The following ADAMTSL3 variants were observed in gnomAD, a reference collection of about 807,000 sequenced individuals.
ADAMTSL3 encodes the protein ADAMTS like 3.
In ADAMTSL3, 128 loss-of-function variants were observed where a neutral mutation model predicts 201.7. The ratio of observed to expected loss-of-function variants is 0.63; its 90% CI spans 0.55 to 0.73. The LOEUF is 0.73. ADAMTSL3 is among the 30% of genes least tolerant of loss of function. The probability of loss-of-function intolerance (pLI) is 0.00; values close to 1 mark genes in which losing one functional copy is unlikely to be tolerated. For synonymous variants in ADAMTSL3, 738 were observed against 748.4 expected (o/e 0.99, Z 0.23); for missense variants, 1,990 against 2,119.6 (o/e 0.94, Z 1.20).
intron 3 of ADAMTSL3, among the ~76,000 whole-genome samples, chr15:83,745,084 G>A (rs770356088): frequency 2.0e-5 from 3 of 152,198 alleles, no homozygotes; most frequent in Non-Finnish European, 4.4e-5. Flanking sequence ...AGCTGGCAGA[G>A]AGCAGAGAAG....
intron 7 of ADAMTSL3, 74 bp downstream of exon 7, chr15:83,838,289 T>TCAGAAAATGTTA: frequency 6.6e-7 from 1 of 1,511,418 alleles, no homozygotes; most frequent in Non-Finnish European, 8.9e-7. Flanking sequence ...AGAATAACAT[T>TCAGAAAATGTTA]TTCTGAATGT....
intron 8 of ADAMTSL3, among the ~76,000 whole-genome samples, chr15:83,869,713 C>T (rs1377457329): frequency 1.3e-5 from 2 of 152,170 alleles, no homozygotes; most frequent in Non-Finnish European, 2.9e-5. Context: ...CCATTTTTGA[C>T]ACTCAACGGA....
intron 3 of ADAMTSL3, among the ~76,000 whole-genome samples, chr15:83,763,051 T>A (rs1195622696): frequency 6.6e-6 from 1 of 152,176 alleles, no homozygotes; most frequent in Non-Finnish European, 1.5e-5. Context: ...TACACTTGAC[T>A]AATTTTTGTA....
At chr15:83,726,130 T>G (rs917697152) in intron 3 of ADAMTSL3, among the ~76,000 whole-genome samples, 7 of 152,122 alleles carry the variant, frequency 4.6e-5, no homozygotes, top group East Asian at 1.9e-4. Flanking sequence ...TTAAGTTTAT[T>G]TCTAGGTATT....
chr15:83,875,746 G>A (rs964762639), intron 9 of ADAMTSL3, among the ~76,000 whole-genome samples: 3 of 152,046 alleles, frequency 2.0e-5, no homozygotes, highest in South Asian at 2.1e-4. Context: ...TTGCACAGCC[G>A]CACTCTGGCC....
rs746619180 is a variant in ADAMTSL3, at chr15:83,913,239, C to T, written c.1848C>T (p.Thr616=). The change falls in exon 16 of 30, where the codon ACC becomes ACT. Residue 616 remains threonine, a synonymous_variant. Coordinates refer to ENST00000286744, the MANE Select transcript of ADAMTSL3 (RefSeq NM_207517.3). ...EEECEGPKLP[T]ERPCLLEACD... is the part of the protein sequence containing the mutation. The stretch of plus-strand genomic sequence containing the variant: ...AGTGTGAAGGCCCCAAGCTGCCCAC[C>T]GAACGGCCCTGCCTCCTGGAAGCAT... The T allele has an allele frequency of 1.5e-5, 25 of 1,613,974 alleles. No homozygotes were observed. The highest frequency in any genetic ancestry group is 2.2e-5 in the East Asian group (1 of 44,888).
chr15:84,033,511 T>G (rs1175016608), intron 28 of ADAMTSL3, among the ~76,000 whole-genome samples: 1 of 151,996 alleles, frequency 6.6e-6, no homozygotes, highest in Non-Finnish European at 1.5e-5. Flanking sequence ...AATACAAAAT[T>G]AGCTGGGCAT....
At chr15:83,837,078 A>G (rs779131408) in intron 6 of ADAMTSL3, among the ~76,000 whole-genome samples, 19 of 152,200 alleles carry the variant, frequency 1.2e-4, no homozygotes, top group Non-Finnish European at 2.1e-4. Flanking sequence ...ACACACACAT[A>G]TGTACACATG....
At chr15:83,717,488 T>G (rs942520909) in intron 3 of ADAMTSL3, 3 of 152,166 alleles carry the variant, frequency 2.0e-5, no homozygotes, top group Non-Finnish European at 4.4e-5. Flanking sequence ...GCATGGCCTC[T>G]GTACAAGGAT....
At chr15:84,014,394 T>C (rs1287225997) in intron 23 of ADAMTSL3, 148 bp from the exon 24 acceptor site, 8 of 723,600 alleles carry the variant, frequency 1.1e-5, no homozygotes, top group Non-Finnish European at 1.6e-5. Flanking sequence ...AGAGTAGCTA[T>C]AGAAATAGAA....
At chr15:83,904,620 A>G (rs531150045) in intron 15 of ADAMTSL3, among the ~76,000 whole-genome samples, 9 of 152,344 alleles carry the variant, frequency 5.9e-5, no homozygotes, top group Admixed American at 1.3e-4. Context: ...AATCTAAGCC[A>G]AGGGAACTGC....
chr15:83,655,894 T>C, intron 2 of ADAMTSL3, 64 bp downstream of exon 2: 1 of 1,493,084 alleles, frequency 6.7e-7, no homozygotes, highest in Non-Finnish European at 9.2e-7. Context: ...AGAGGCATTA[T>C]TGTATACCAC....
rs376774419 is a variant in ADAMTSL3, at chr15:83,819,827, C to T, written c.380C>T (p.Ala127Val). ...TCSNHDCPPD[A>V]EDFRAQQCSA... ...TGCCCCCAGGACTGCCCTCCAGATG[C>T]AGAAGATTTCAGAGCCCAGCAGTGC... is the stretch of plus-strand genomic sequence containing the variant. The change falls in exon 6 of 30, where the codon GCA becomes GTA. Residue 127 changes from alanine (A) to valine (V), a missense_variant. Ala to Val is a moderately conservative substitution (Grantham distance 64). Transcript: ENST00000286744. 14 of 1,613,724 alleles carry T rather than the reference C, an allele frequency of 8.7e-6. No individual in the cohort carries two copies. The highest frequency in any genetic ancestry group is 1.3e-5 in the African/African-American group (1 of 74,878).
chr15:83,987,178 C>T (rs2067495627), intron 21 of ADAMTSL3, among the ~76,000 whole-genome samples: 1 of 152,302 alleles, frequency 6.6e-6, no homozygotes, highest in Middle Eastern at 3.4e-3. Flanking sequence ...ATTTCTCCTC[C>T]ATCAGGATTT....
At chr15:83,806,315 G>A (rs1031337347) in intron 5 of ADAMTSL3, among the ~76,000 whole-genome samples, 1 of 152,118 alleles carries the variant, frequency 6.6e-6, no homozygotes, top group East Asian at 1.9e-4. Context: ...TCTGGCAAAG[G>A]TGCACCACTA....
At chr15:83,978,761 T>C (rs2067333335) in intron 20 of ADAMTSL3, among the ~76,000 whole-genome samples, 1 of 152,184 alleles carries the variant, frequency 6.6e-6, no homozygotes, top group Non-Finnish European at 1.5e-5. Context: ...AAATGCCCCA[T>C]ACCCCAGTGT....
rs1328042968 is a variant in ADAMTSL3 at position 83,983,119 on chromosome 15, C to G, written c.3491C>G (p.Ala1164Gly). 6.2e-6 allele frequency: 10 copies of G among 1,613,074 alleles called. No homozygotes were observed. The highest frequency in any genetic ancestry group is 8.5e-6 in the Non-Finnish European group (10 of 1,179,720). The change falls in exon 21 of 30, where the codon GCA becomes GGA. Residue 1164 changes from alanine (A) to glycine (G), a missense_variant. By Grantham distance (60) the Ala-to-Gly change is moderately conservative. Transcript: ENST00000286744. Reference sequence around the variant, plus strand: ...GGGAGTGTGTCCCAAAGCTCGCATGCAAAAAACTCAGGCAAGCTGACATTC... The same window carrying G: ...GGGAGTGTGTCCCAAAGCTCGCATGGAAAAAACTCAGGCAAGCTGACATTC... Reference protein sequence around the residue: ...ETGSVSQSSHAKNSGKLTFKP... With the variant: ...ETGSVSQSSHGKNSGKLTFKP...
chr15:83,962,582 C>G (rs1337377566), intron 19 of ADAMTSL3: 2 of 152,058 alleles, frequency 1.3e-5, no homozygotes, highest in Non-Finnish European at 2.9e-5. Context: ...GTTGAAATTG[C>G]ATGTATACAC....
chr15:83,815,188 GGTTA>G (rs1432279778), intron 5 of ADAMTSL3, among the ~76,000 whole-genome samples: 1 of 152,048 alleles, frequency 6.6e-6, no homozygotes, highest in African/African-American at 2.4e-5. Context: ...ACTTCTATCA[GGTTA>G]GAGTCAAGTC....
Sources: allele counts gnomAD v4.1 joint callset (sites outside exome capture counted in the v4.1 genomes callset), GRCh38; gene constraint gnomAD v4.1.1; transcripts MANE v1.5; gene names NCBI Gene and HGNC (gene_info 2026-07-23, HGNC 2026-07-21).